CNTNAP5: variants seen among roughly 807,000 people sequenced by gnomAD.
CNTNAP5 encodes the protein contactin-associated protein-like 5.
CNTNAP5 carries 72 observed loss-of-function variants against 150.2 expected under a neutral mutation model. The observed-to-expected ratio is 0.48, with a 90% CI of 0.40 to 0.58. The LOEUF (loss-of-function observed/expected upper bound fraction) is 0.58, where lower values mean the gene tolerates loss of function less well. CNTNAP5 is among the 20% of genes least tolerant of loss of function. The pLI, the probability that CNTNAP5 is intolerant of heterozygous loss-of-function variation, is 0.00. For synonymous variants in CNTNAP5, 672 were observed against 619.8 expected (o/e 1.08, Z -1.25); for missense variants, 1,636 against 1,626.2 (o/e 1.01, Z -0.10).
intron 13 of CNTNAP5, among the ~76,000 whole-genome samples, chr2:124,679,012 C>G (rs1236790346): frequency 6.6e-6 from 1 of 151,930 alleles, no homozygotes; most frequent in African/African-American, 2.4e-5. Context: ...ATAGTAAACT[C>G]TGCAACAAAC....
intron 7 of CNTNAP5, among the ~76,000 whole-genome samples, chr2:124,475,780 T>A (rs72966687): frequency 1.3e-5 from 2 of 152,146 alleles, no homozygotes; most frequent in Non-Finnish European, 2.9e-5. Context: ...TATGTAATCA[T>A]TTTTGAAGTA....
At chr2:124,744,157 G>C (rs2105141589) in intron 13 of CNTNAP5, among the ~76,000 whole-genome samples, 1 of 152,184 alleles carries the variant, frequency 6.6e-6, no homozygotes, top group East Asian at 1.9e-4. Flanking sequence ...TTGTGGGAGG[G>C]ACCAGGTGGG....
intron 21 of CNTNAP5, among the ~76,000 whole-genome samples, chr2:124,872,896 T>C (rs1049217536): frequency 6.6e-6 from 1 of 152,088 alleles, no homozygotes; most frequent in African/African-American, 2.4e-5. Context: ...GCTGGTGAAT[T>C]GAAACTTTAC....
chr2:124,397,892 C>A (rs1691296976), intron 3 of CNTNAP5, among the ~76,000 whole-genome samples: 1 of 152,144 alleles, frequency 6.6e-6, no homozygotes, highest in African/African-American at 2.4e-5. Flanking sequence ...AAAATCGCAA[C>A]TTTGTAGAGC....
chr2:124,770,339 G>A (rs1047546538), intron 16 of CNTNAP5, among the ~76,000 whole-genome samples: 11 of 152,126 alleles, frequency 7.2e-5, no homozygotes, highest in African/African-American at 1.2e-4. Flanking sequence ...GCAGAGGTAA[G>A]CACAGATGGG....
intron 19 of CNTNAP5, among the ~76,000 whole-genome samples, chr2:124,843,183 T>C (rs1211682311): frequency 1.3e-5 from 2 of 152,174 alleles, no homozygotes; most frequent in East Asian, 3.9e-4. Context: ...GTTACTTCAC[T>C]TATAATAATA....
chr2:124,917,298 T>A lies in CNTNAP5; in HGVS notation c.*3010T>A, dbSNP rs1678788403. Among the ~76,000 whole-genome samples, 1 of 152,118 alleles carries A rather than the reference T, an allele frequency of 6.6e-6. No homozygotes were observed. The highest frequency in any genetic ancestry group is 2.1e-4 in the South Asian group (1 of 4,832). On this transcript the variant is annotated 3_prime_UTR_variant, in exon 24 of 24. Coordinates refer to ENST00000682447, the MANE Select transcript of CNTNAP5 (RefSeq NM_001367498.1). Reference sequence around the variant, plus strand: ...AAAGTACTTGTGAAATTTCACATTTTAATGGAGCTGTTTCATTGATATTTT... The same window carrying A: ...AAAGTACTTGTGAAATTTCACATTTAAATGGAGCTGTTTCATTGATATTTT...
At chr2:124,212,947 T>C (rs1686056996) in intron 1 of CNTNAP5, among the ~76,000 whole-genome samples, 1 of 146,050 alleles carries the variant, frequency 6.8e-6, no homozygotes, top group South Asian at 2.3e-4. Flanking sequence ...CATGCCATTC[T>C]CCTGCCTCAG....
chr2:124,771,187 G>A (rs1478287162), intron 16 of CNTNAP5, among the ~76,000 whole-genome samples: 1 of 152,112 alleles, frequency 6.6e-6, no homozygotes, highest in Non-Finnish European at 1.5e-5. Flanking sequence ...TTTAAATCTG[G>A]CAGTTGATGA....
At chr2:124,832,248 T>G (rs1682731232) in intron 19 of CNTNAP5, among the ~76,000 whole-genome samples, 1 of 152,124 alleles carries the variant, frequency 6.6e-6, no homozygotes. Context: ...AGGATTTTCT[T>G]AAGTCACATG....
intron 7 of CNTNAP5, among the ~76,000 whole-genome samples, chr2:124,496,349 T>C (rs573032408): frequency 6.6e-6 from 1 of 152,256 alleles, no homozygotes; most frequent in African/African-American, 2.4e-5. Flanking sequence ...TTGTACTCAT[T>C]TGGAAAATCA....
chr2:124,640,520 C>T (rs1291227533), intron 12 of CNTNAP5, among the ~76,000 whole-genome samples: 3 of 152,106 alleles, frequency 2.0e-5, no homozygotes, highest in Non-Finnish European at 4.4e-5. Context: ...AAAGCAGCCA[C>T]GTCTGCCGTG....
intron 3 of CNTNAP5, among the ~76,000 whole-genome samples, chr2:124,329,247 GA>G (rs549530405): frequency 5.3e-5 from 8 of 150,848 alleles, no homozygotes; most frequent in South Asian, 2.1e-4. Flanking sequence ...GTAATTTATG[GA>G]AAAAAAAATG....
intron 13 of CNTNAP5, among the ~76,000 whole-genome samples, chr2:124,721,959 C>A (rs1271564790): frequency 1.3e-5 from 2 of 152,024 alleles, no homozygotes; most frequent in African/African-American, 4.8e-5. Context: ...CCTCACACAG[C>A]CTTTCTTCTC....
intron 3 of CNTNAP5, among the ~76,000 whole-genome samples, chr2:124,415,710 C>A (rs1230833914): frequency 1.3e-5 from 2 of 152,134 alleles, no homozygotes; most frequent in African/African-American, 4.8e-5. Flanking sequence ...GACATCCCAT[C>A]TTAAAGATGA....
chr2:124,306,916 CG>C (rs1183688629), intron 3 of CNTNAP5, among the ~76,000 whole-genome samples: 1 of 151,478 alleles, frequency 6.6e-6, no homozygotes, highest in Non-Finnish European at 1.5e-5. Flanking sequence ...TTAGTAGAGA[CG>C]GGGTTTCACC....
intron 19 of CNTNAP5, among the ~76,000 whole-genome samples, chr2:124,815,849 G>A (rs1049115713): frequency 6.6e-6 from 1 of 152,048 alleles, no homozygotes; most frequent in African/African-American, 2.4e-5. Context: ...TAAGAACTGT[G>A]CTGGGACACG....
chr2:124,285,848 A>C (rs1180766699), intron 3 of CNTNAP5, among the ~76,000 whole-genome samples: 1 of 151,722 alleles, frequency 6.6e-6, no homozygotes, highest in Non-Finnish European at 1.5e-5. Context: ...AAGAAAAGAG[A>C]AGAGAGAAAA....
intron 7 of CNTNAP5, among the ~76,000 whole-genome samples, chr2:124,479,851 T>G (rs1043664557): frequency 1.3e-5 from 2 of 152,118 alleles, no homozygotes; most frequent in African/African-American, 4.8e-5. Context: ...TTGAGAAAGT[T>G]ACGAAACTTC....
Sources: gnomAD v4.1 joint callset for allele counts (sites outside exome capture counted in the v4.1 genomes callset) on GRCh38, gnomAD v4.1.1 for gene constraint, MANE v1.5 for transcripts, NCBI Gene and HGNC (gene_info 2026-07-23, HGNC 2026-07-21) for gene names.